Variants in FHIT observed in about 807,000 individuals in gnomAD.
The protein encoded by FHIT is fragile histidine triad diadenosine triphosphatase, also known as bis(5'-adenosyl)-triphosphatase.
In FHIT, 19 loss-of-function variants were observed where a neutral mutation model predicts 17.9. The observed-to-expected ratio is 1.06, with a 90% CI of 0.74 to 1.56. The LOEUF (loss-of-function observed/expected upper bound fraction) is 1.56. FHIT is among the 40% of genes most tolerant of loss of function. The probability of loss-of-function intolerance (pLI) is 0.00; values close to 1 mark genes in which losing one functional copy is unlikely to be tolerated. For missense variants in FHIT, 248 were observed against 189.2 expected (o/e 1.31, Z -1.82); for synonymous variants, 81 against 69.7 (o/e 1.16, Z -0.81).
chr3:60,638,543 C>T (rs1553684551), intron 4 of FHIT, among the ~76,000 whole-genome samples: 2 of 152,018 alleles, frequency 1.3e-5, no homozygotes, highest in African/African-American at 2.4e-5. Flanking sequence ...ATGTTCAGGT[C>T]GTGTACCAGA....
chr3:60,949,060 T>C (rs1299259628), intron 3 of FHIT, among the ~76,000 whole-genome samples: 11 of 152,108 alleles, frequency 7.2e-5, no homozygotes, highest in Non-Finnish European at 1.5e-4. Context: ...GCTTCTCAAT[T>C]AGTACTCCTA....
intron 5 of FHIT, among the ~76,000 whole-genome samples, chr3:60,447,649 C>A (rs1489325100): frequency 6.6e-6 from 1 of 152,024 alleles, no homozygotes; most frequent in African/African-American, 2.4e-5. Flanking sequence ...GGAATAGTTT[C>A]ATCTAATACA....
intron 2 of FHIT, among the ~76,000 whole-genome samples, chr3:61,068,552 A>G (rs1196938177): frequency 1.3e-5 from 2 of 152,118 alleles, no homozygotes; most frequent in Non-Finnish European, 2.9e-5. Context: ...ATTCAGGAGA[A>G]TCCCCCCATC....
chr3:61,194,642 G>T (rs576965709), intron 2 of FHIT, among the ~76,000 whole-genome samples: 1 of 152,202 alleles, frequency 6.6e-6, no homozygotes, highest in Non-Finnish European at 1.5e-5. Flanking sequence ...AATGTTCTGG[G>T]CATTAATGAA....
intron 4 of FHIT, among the ~76,000 whole-genome samples, chr3:60,737,071 T>C (rs1434562747): frequency 6.6e-6 from 1 of 152,206 alleles, no homozygotes; most frequent in Non-Finnish European, 1.5e-5. Flanking sequence ...ATAGCAGGCA[T>C]ACATAAAAGC....
chr3:60,475,678 G>A (rs559860699), intron 5 of FHIT, among the ~76,000 whole-genome samples: 5 of 152,176 alleles, frequency 3.3e-5, no homozygotes, highest in African/African-American at 4.8e-5. Flanking sequence ...CAAACCTCAC[G>A]TTTCTTTCAT....
intron 7 of FHIT, among the ~76,000 whole-genome samples, chr3:59,952,968 C>G (rs981597945): frequency 6.6e-6 from 1 of 151,510 alleles, no homozygotes; most frequent in Non-Finnish European, 1.5e-5. Context: ...TTCACTCCTT[C>G]TCTCCCTCTG....
chr3:59,893,429 C>T (rs1286908635), intron 8 of FHIT, among the ~76,000 whole-genome samples: 1 of 152,164 alleles, frequency 6.6e-6, no homozygotes, highest in Non-Finnish European at 1.5e-5. Flanking sequence ...GTGCAGTAAA[C>T]TAAACTGGAT....
intron 2 of FHIT, among the ~76,000 whole-genome samples, chr3:61,102,912 T>A (rs1387660352): frequency 6.6e-6 from 1 of 152,228 alleles, no homozygotes; most frequent in Non-Finnish European, 1.5e-5. Context: ...CCCTTTATCA[T>A]TTTTTATTGC....
At chr3:59,955,021 T>A (rs958504131) in intron 7 of FHIT, among the ~76,000 whole-genome samples, 4 of 152,230 alleles carry the variant, frequency 2.6e-5, no homozygotes, top group African/African-American at 9.6e-5. Context: ...AGCTTCACTT[T>A]TGAAAGCTGA....
chr3:59,840,842 A>C (rs1460310928), intron 8 of FHIT, among the ~76,000 whole-genome samples: 2 of 152,280 alleles, frequency 1.3e-5, no homozygotes, highest in Middle Eastern at 3.4e-3. Flanking sequence ...CATCTATATA[A>C]TGGTGATGAT....
intron 5 of FHIT, among the ~76,000 whole-genome samples, chr3:60,456,876 A>T (rs1253045923): frequency 6.6e-6 from 1 of 152,182 alleles, no homozygotes; most frequent in African/African-American, 2.4e-5. Context: ...TTTACAAGAG[A>T]GGTGAAGGAC....
intron 3 of FHIT, among the ~76,000 whole-genome samples, chr3:60,845,299 TAGAA>T: frequency 6.6e-6 from 1 of 151,788 alleles, no homozygotes; most frequent in Admixed American, 6.6e-5. Context: ...AAAAAATAAT[TAGAA>T]AGGTAGGAGT....
intron 5 of FHIT, among the ~76,000 whole-genome samples, chr3:60,130,784 GGTGTGTATATACACACATATATA>G (rs1699520576): frequency 1.8e-5 from 2 of 111,724 alleles, no homozygotes; most frequent in South Asian, 2.7e-4. Context: ...GTGTGTGTGT[GGTGTGTATATACACACATATATA>G]TGTGTGTATG....
intron 5 of FHIT, among the ~76,000 whole-genome samples, chr3:60,254,601 C>T (rs576284657): frequency 3.3e-5 from 5 of 152,186 alleles, no homozygotes; most frequent in African/African-American, 7.2e-5. Flanking sequence ...ATATAACATA[C>T]TCAAATCACA....
chr3:60,220,863 A>T (rs986614479), intron 5 of FHIT, among the ~76,000 whole-genome samples: 2 of 152,162 alleles, frequency 1.3e-5, no homozygotes, highest in Non-Finnish European at 2.9e-5. Context: ...AGTCGATGCC[A>T]TTTCCATCTA....
chr3:59,994,847 C>T (rs540728265), intron 7 of FHIT, among the ~76,000 whole-genome samples: 4 of 152,196 alleles, frequency 2.6e-5, no homozygotes, highest in Admixed American at 1.3e-4. Context: ...GCCCTCCTTT[C>T]ACCTTGTCTA....
intron 8 of FHIT, among the ~76,000 whole-genome samples, chr3:59,754,643 T>C (rs1575603027): frequency 6.6e-6 from 1 of 152,162 alleles, no homozygotes; most frequent in East Asian, 1.9e-4. Context: ...ACCAGAGGAA[T>C]CCAAATAATT....
At chr3:60,006,492 C>T (rs994495418) in intron 7 of FHIT, among the ~76,000 whole-genome samples, 5 of 152,026 alleles carry the variant, frequency 3.3e-5, no homozygotes, top group African/African-American at 1.2e-4. Context: ...GGTCCAAGGG[C>T]CATGATGTGG....
Sources: allele counts gnomAD v4.1 joint callset (sites outside exome capture counted in the v4.1 genomes callset), GRCh38; gene constraint gnomAD v4.1.1; transcripts MANE v1.5; gene names NCBI Gene and HGNC (gene_info 2026-07-23, HGNC 2026-07-21).